The following ATRN variants were observed in gnomAD, a reference collection of about 807,000 sequenced individuals.
ATRN encodes the protein attractin-2.
A neutral mutation model predicts 178.7 loss-of-function variants in ATRN; 54 were observed. That is an observed-to-expected ratio of 0.30 (90% CI 0.24 to 0.38). ATRN has a LOEUF of 0.38. Ranked by LOEUF, ATRN falls within the 10% of genes least tolerant of loss-of-function variation. The pLI, the probability that ATRN is intolerant of heterozygous loss-of-function variation, is 1.00. For missense variants in ATRN, 1,443 were observed against 1,815.1 expected, an observed-to-expected ratio of 0.79 and a Z score of 3.73; for synonymous variants, 636 against 663.0, an observed-to-expected ratio of 0.96 and a Z score of 0.63.
intron 1 of ATRN, among the ~76,000 whole-genome samples, chr20:3,497,675 G>A (rs1310883672): frequency 3.3e-5 from 5 of 151,878 alleles, no homozygotes; most frequent in South Asian, 2.1e-4. Context: ...TCTTTGTGGC[G>A]TTCTCTGTAT....
chr20:3,522,745 C>T (rs953079292), intron 1 of ATRN, among the ~76,000 whole-genome samples: 3 of 152,170 alleles, frequency 2.0e-5, no homozygotes, highest in Admixed American at 6.5e-5. Context: ...TGCTGATCTG[C>T]AGCCTCCAGT....
chr20:3,527,970 A>C (rs888481886), intron 1 of ATRN, among the ~76,000 whole-genome samples: 1 of 152,152 alleles, frequency 6.6e-6, no homozygotes, highest in African/African-American at 2.4e-5. Flanking sequence ...CCTAATGTAG[A>C]TGACGGCTTG....
chr20:3,511,278 A>G (rs1273726816), intron 1 of ATRN, among the ~76,000 whole-genome samples: 3 of 152,214 alleles, frequency 2.0e-5, no homozygotes, highest in Non-Finnish European at 4.4e-5. Flanking sequence ...GCGAGGATTA[A>G]CAAAGACAAA....
rs569206380 is a variant in ATRN, at chr20:3,568,608, C to A, written c.1871+3176C>A. ...AATTCTTGAATATTGAATTATTGCT[C>A]CTAGGGGAAATACAGGGTTATGTTT... On this transcript the variant is annotated intron_variant, in intron 11 of 28. Coordinates refer to ENST00000262919, the MANE Select transcript of ATRN (RefSeq NM_139321.3). 2.6e-5 allele frequency among the ~76,000 whole-genome samples: 4 copies of A among 152,226 alleles called. No homozygotes were observed. In the South Asian group the frequency reaches 6.2e-4, roughly 24 times the overall value.
intron 21 of ATRN, 129 bp from the exon 22 acceptor site, chr20:3,597,777 C>A (rs375734229): frequency 3.5e-6 from 2 of 565,632 alleles, no homozygotes; most frequent in Non-Finnish European, 3.1e-6. Context: ...CTTTGAGGAA[C>A]CTGGGTACAG....
chr20:3,533,709 A>G (rs967121066), intron 1 of ATRN, among the ~76,000 whole-genome samples: 25 of 152,116 alleles, frequency 1.6e-4, no homozygotes, highest in African/African-American at 6.0e-4. Flanking sequence ...GGTTTTTTTT[A>G]TCTTGGTGGT....
intron 1 of ATRN, among the ~76,000 whole-genome samples, chr20:3,526,690 A>G (rs1201081925): frequency 6.6e-6 from 1 of 152,182 alleles, no homozygotes; most frequent in Admixed American, 6.5e-5. Flanking sequence ...AAACTATACT[A>G]CAAGGCTACA....
intron 21 of ATRN, among the ~76,000 whole-genome samples, chr20:3,596,991 C>G (rs1012954983): frequency 6.7e-6 from 1 of 149,228 alleles, no homozygotes; most frequent in Non-Finnish European, 1.5e-5. Context: ...TAATTATATA[C>G]CTGCTGTACT....
At chr20:3,634,244 G>C in intron 25 of ATRN, 67 bp from the exon 26 acceptor site, 9 of 1,485,916 alleles carry the variant, frequency 6.1e-6, no homozygotes, top group Non-Finnish European at 7.5e-6. Flanking sequence ...CTGGCCTGAG[G>C]TGTGGGCAAC....
chr20:3,600,651 A>G (rs2086595514), intron 22 of ATRN, among the ~76,000 whole-genome samples: 1 of 152,164 alleles, frequency 6.6e-6, no homozygotes, highest in South Asian at 2.1e-4. Context: ...CAGGAGATGC[A>G]AATCACTGTG....
chr20:3,556,887 A>C (rs1039848871), intron 6 of ATRN, among the ~76,000 whole-genome samples: 1 of 152,124 alleles, frequency 6.6e-6, no homozygotes, highest in African/African-American at 2.4e-5. Context: ...GCCAGCACCT[A>C]TGTGTCTCTG....
chr20:3,501,164 A>G (rs1229573691), intron 1 of ATRN, among the ~76,000 whole-genome samples: 1 of 152,174 alleles, frequency 6.6e-6, no homozygotes, highest in Admixed American at 6.5e-5. Context: ...ATGGATAATT[A>G]TATTGGATTG....
rs1405254304 is a variant in ATRN at position 3,471,050 on chromosome 20, A to G, written c.-58A>G. 7.0e-7 allele frequency: 1 copy of G among 1,425,484 alleles called. No homozygotes were observed. The highest frequency in any genetic ancestry group is 9.2e-7 in the Non-Finnish European group (1 of 1,091,196). The allele number at this position is 1,425,484 out of a possible 1,614,324, so 88.3% of individuals were successfully genotyped here. A position where few individuals can be genotyped will look rare whatever the true frequency, so the allele number is the denominator to read the frequency against. On this transcript the variant is annotated 5_prime_UTR_variant, in exon 1 of 29. Transcript: ENST00000262919. ...CGCCCCGCACGGCCAGGCGAAGCGG[A>G]GCCGGCCGTGCGGTGTGTGTGTATG... is the stretch of plus-strand genomic sequence containing the variant.
At chr20:3,519,086 G>C (rs2085250063) in intron 1 of ATRN, among the ~76,000 whole-genome samples, 1 of 151,236 alleles carries the variant, frequency 6.6e-6, no homozygotes, top group African/African-American at 2.4e-5. Context: ...GTGTATAGCT[G>C]GCCATTGTAG....
rs906238791 is a variant in ATRN at position 3,572,809 on chromosome 20, G to T, written c.1950G>T (p.Ala650=). 2 of 1,613,808 alleles carry T rather than the reference G, an allele frequency of 1.2e-6. No homozygotes were observed. Among genetic ancestry groups the T allele is most frequent in the Non-Finnish European group, 8.5e-7 (1 of 1,179,976 alleles). The change falls in exon 12 of 29, where the codon GCG becomes GCT. Residue 650 remains alanine, a synonymous_variant. Coordinates refer to ENST00000262919, the MANE Select transcript of ATRN (RefSeq NM_139321.3). The part of the protein sequence containing the change: ...ILVFTSEQCD[A]HRSEAACLAA... ...TATTCACCTCGGAACAGTGTGATGCGCATCGGAGTGAAGCCGCTTGTTTAG... is the reference window on the plus strand; with the variant it reads ...TATTCACCTCGGAACAGTGTGATGCTCATCGGAGTGAAGCCGCTTGTTTAG...
At chr20:3,524,820 G>A (rs1361350469) in intron 1 of ATRN, among the ~76,000 whole-genome samples, 2 of 152,116 alleles carry the variant, frequency 1.3e-5, no homozygotes, top group East Asian at 1.9e-4. Context: ...GGTAAATAAC[G>A]AAATTAAGGC....
intron 9 of ATRN, 92 bp from the exon 10 acceptor site, chr20:3,563,117 G>A: frequency 2.6e-6 from 3 of 1,163,698 alleles, no homozygotes; most frequent in Non-Finnish European, 3.6e-6. Context: ...TTGGGTCTGA[G>A]GTTAATAAAG....
At chr20:3,561,141 G>A (rs902689815) in intron 8 of ATRN, among the ~76,000 whole-genome samples, 2 of 152,098 alleles carry the variant, frequency 1.3e-5, no homozygotes, top group Non-Finnish European at 2.9e-5. Flanking sequence ...GCACCAACAT[G>A]GTGAAACCCT....
At chr20:3,607,732 T>G (rs1337486638) in intron 24 of ATRN, among the ~76,000 whole-genome samples, 1 of 152,234 alleles carries the variant, frequency 6.6e-6, no homozygotes, top group Non-Finnish European at 1.5e-5. Context: ...TTCTTTTGGA[T>G]ATATACCCAG....
Sources: allele counts gnomAD v4.1 joint callset (sites outside exome capture counted in the v4.1 genomes callset), GRCh38; gene constraint gnomAD v4.1.1; transcripts MANE v1.5; gene names NCBI Gene and HGNC (gene_info 2026-07-23, HGNC 2026-07-21).